AUH: variants seen among roughly 807,000 people sequenced by gnomAD.
AUH encodes the protein AU RNA binding methylglutaconyl-CoA hydratase.
Under a neutral mutation model 42.3 loss-of-function variants are expected in AUH, and 29 were observed. The observed-to-expected ratio is 0.69, with a 90% CI of 0.51 to 0.93. AUH has a LOEUF of 0.93. Among genes scored for constraint, AUH ranks in the 40% least tolerant of loss-of-function variants. The pLI is 0.00. For synonymous variants in AUH, 174 were observed against 166.4 expected, an observed-to-expected ratio of 1.05 and a Z score of -0.35; for missense variants, 452 against 438.1, an observed-to-expected ratio of 1.03 and a Z score of -0.28.
chr9:91,219,260 A>C (rs1207351659), intron 7 of AUH, among the ~76,000 whole-genome samples: 1 of 152,190 alleles, frequency 6.6e-6, no homozygotes, highest in Non-Finnish European at 1.5e-5. Flanking sequence ...TGAAGTAGAG[A>C]GCTGAACATC....
At chr9:91,301,712 G>A (rs1415354143) in intron 4 of AUH, among the ~76,000 whole-genome samples, 2 of 152,154 alleles carry the variant, frequency 1.3e-5, no homozygotes, top group Non-Finnish European at 2.9e-5. Flanking sequence ...GAGGACCAGG[G>A]CCTGCAGATG....
chr9:91,318,877 C>T (rs1564096233), intron 4 of AUH, among the ~76,000 whole-genome samples: 1 of 152,184 alleles, frequency 6.6e-6, no homozygotes, highest in East Asian at 1.9e-4. Flanking sequence ...TTCCCCCTTG[C>T]TGGCAACAAT....
intron 6 of AUH, among the ~76,000 whole-genome samples, chr9:91,230,555 G>A (rs550869107): frequency 1.1e-4 from 17 of 152,282 alleles, no homozygotes; most frequent in East Asian, 9.6e-4. Flanking sequence ...CTCTCAGCTC[G>A]TCAAAGTCAT....
chr9:91,265,443 T>C (rs1829922395), intron 6 of AUH, among the ~76,000 whole-genome samples: 1 of 152,214 alleles, frequency 6.6e-6, no homozygotes, highest in African/African-American at 2.4e-5. Context: ...TAAGGCTCAG[T>C]TGTTTTTCTT....
chr9:91,337,479 T>C (rs1400206603), intron 3 of AUH, among the ~76,000 whole-genome samples: 1 of 152,130 alleles, frequency 6.6e-6, no homozygotes, highest in African/African-American at 2.4e-5. Flanking sequence ...ACCAGCATGG[T>C]CCACTCCCCT....
intron 3 of AUH, among the ~76,000 whole-genome samples, chr9:91,334,199 T>C (rs1002379367): frequency 3.9e-5 from 6 of 152,212 alleles, no homozygotes; most frequent in African/African-American, 9.6e-5. Flanking sequence ...GTACACGGCA[T>C]TGTCATACTT....
At chr9:91,340,863 C>T (rs1470852762) in intron 3 of AUH, among the ~76,000 whole-genome samples, 1 of 152,170 alleles carries the variant, frequency 6.6e-6, no homozygotes, top group East Asian at 1.9e-4. Flanking sequence ...CCAGCTTTTA[C>T]ATCTTTTCTA....
intron 1 of AUH, among the ~76,000 whole-genome samples, chr9:91,361,106 A>C (rs1832814244): frequency 6.6e-6 from 1 of 152,236 alleles, no homozygotes; most frequent in Admixed American, 6.5e-5. Flanking sequence ...AAATTGTTTA[A>C]ATGAAGTGGA....
intron 3 of AUH, among the ~76,000 whole-genome samples, chr9:91,326,458 G>A (rs544175352): frequency 6.6e-6 from 1 of 152,240 alleles, no homozygotes; most frequent in South Asian, 2.1e-4. Flanking sequence ...ATCCATAGGA[G>A]AATTAATAAA....
chr9:91,247,728 T>A (rs953325426), intron 6 of AUH, among the ~76,000 whole-genome samples: 1 of 152,260 alleles, frequency 6.6e-6, no homozygotes, highest in Non-Finnish European at 1.5e-5. Flanking sequence ...CAGTATTGTC[T>A]CATCGTGGTT....
chr9:91,357,299 T>C (rs181052545), intron 1 of AUH, among the ~76,000 whole-genome samples: 1 of 152,328 alleles, frequency 6.6e-6, no homozygotes, highest in Admixed American at 6.5e-5. Flanking sequence ...CTTTTATCAA[T>C]AGTTAACGGA....
intron 6 of AUH, among the ~76,000 whole-genome samples, chr9:91,237,605 T>G (rs1828263903): frequency 6.6e-6 from 1 of 152,236 alleles, no homozygotes; most frequent in Non-Finnish European, 1.5e-5. Flanking sequence ...CATAATTAAC[T>G]TATAGATTTT....
intron 7 of AUH, among the ~76,000 whole-genome samples, chr9:91,219,147 G>A (rs188028629): frequency 6.6e-6 from 1 of 152,320 alleles, no homozygotes; most frequent in Admixed American, 6.5e-5. Context: ...GCGGGGCGGT[G>A]TGTGGACGGT....
At chr9:91,259,192 T>A (rs568947470) in intron 6 of AUH, among the ~76,000 whole-genome samples, 1 of 152,348 alleles carries the variant, frequency 6.6e-6, no homozygotes, top group South Asian at 2.1e-4. Flanking sequence ...TTCAATTTCT[T>A]AAAAAAGTAC....
At chr9:91,243,642 A>G in intron 6 of AUH, among the ~76,000 whole-genome samples, 1 of 152,226 alleles carries the variant, frequency 6.6e-6, no homozygotes, top group African/African-American at 2.4e-5. Context: ...ACTGACCACA[A>G]AGCACAGAAC....
At chr9:91,342,472 C>T (rs1024567278) in intron 3 of AUH, among the ~76,000 whole-genome samples, 4 of 152,344 alleles carry the variant, frequency 2.6e-5, no homozygotes, top group Admixed American at 2.6e-4. Flanking sequence ...CTCCCACACA[C>T]TTTATTTCTG....
chr9:91,286,763 C>G (rs1474164183), intron 6 of AUH, among the ~76,000 whole-genome samples: 1 of 151,526 alleles, frequency 6.6e-6, no homozygotes, highest in Non-Finnish European at 1.5e-5. Context: ...TATCTACCTA[C>G]CTACCTAACT....
chr9:91,349,627 TTGTGTG>T (rs146398204), intron 3 of AUH, among the ~76,000 whole-genome samples: 7 of 151,724 alleles, frequency 4.6e-5, no homozygotes, highest in Non-Finnish European at 1.0e-4. Flanking sequence ...TTGTTTTGAC[TTGTGTG>T]TGTGTGTATG....
intron 7 of AUH, among the ~76,000 whole-genome samples, chr9:91,217,726 C>G (rs1467486726): frequency 6.6e-6 from 1 of 152,146 alleles, no homozygotes; most frequent in Non-Finnish European, 1.5e-5. Flanking sequence ...GAGGCTGTTG[C>G]TATTGATTAA....
Sources: gnomAD v4.1 joint callset for allele counts (sites outside exome capture counted in the v4.1 genomes callset) on GRCh38, gnomAD v4.1.1 for gene constraint, MANE v1.5 for transcripts, NCBI Gene and HGNC (gene_info 2026-07-23, HGNC 2026-07-21) for gene names.